B3GALT1: variants seen among roughly 807,000 people sequenced by gnomAD.
The protein encoded by B3GALT1 is beta-1,3-galactosyltransferase 1.
In B3GALT1, 10 loss-of-function variants were observed where a neutral mutation model predicts 23.2. The ratio of observed to expected loss-of-function variants is 0.43; its 90% CI spans 0.27 to 0.73. The LOEUF (loss-of-function observed/expected upper bound fraction) is 0.73, where lower values mean the gene tolerates loss of function less well. Among genes scored for constraint, B3GALT1 ranks in the 30% least tolerant of loss-of-function variants. The pLI, the probability that B3GALT1 is intolerant of heterozygous loss-of-function variation, is 0.21. For synonymous variants in B3GALT1, 156 were observed against 141.5 expected (o/e 1.10, Z -0.73); for missense variants, 299 against 405.4 (o/e 0.74, Z 2.25).
chr2:167,865,615 C>G (rs1690197816), intron 4 of B3GALT1, among the ~76,000 whole-genome samples: 1 of 152,040 alleles, frequency 6.6e-6, no homozygotes, highest in Admixed American at 6.6e-5. Flanking sequence ...CACCGTGAAA[C>G]CCCGTCTCTA....
At chr2:167,581,005 TCTC>T (rs1213890183) in intron 2 of B3GALT1, among the ~76,000 whole-genome samples, 2 of 152,164 alleles carry the variant, frequency 1.3e-5, no homozygotes, top group Non-Finnish European at 2.9e-5. Context: ...TAAACTGTAT[TCTC>T]CTCCTCCACT....
intron 2 of B3GALT1, among the ~76,000 whole-genome samples, chr2:167,539,271 T>A (rs1574126248): frequency 6.6e-6 from 1 of 151,054 alleles, no homozygotes; most frequent in East Asian, 1.9e-4. Context: ...AAAAAAAAAA[T>A]TGGACTGGGA....
intron 2 of B3GALT1, among the ~76,000 whole-genome samples, chr2:167,619,222 A>G (rs1685216251): frequency 6.6e-6 from 1 of 151,978 alleles, no homozygotes; most frequent in South Asian, 2.1e-4. Flanking sequence ...TCTCACAAGT[A>G]CAACTCCAAC....
intron 1 of B3GALT1, among the ~76,000 whole-genome samples, chr2:167,464,245 G>A (rs1209628238): frequency 6.6e-6 from 1 of 151,872 alleles, no homozygotes; most frequent in African/African-American, 2.4e-5. Flanking sequence ...TGTCCTCATG[G>A]CCCTGCTTCA....
At chr2:167,551,493 C>T (rs1409239013) in intron 2 of B3GALT1, among the ~76,000 whole-genome samples, 1 of 152,092 alleles carries the variant, frequency 6.6e-6, no homozygotes, top group Admixed American at 6.5e-5. Flanking sequence ...ACTAATGAGA[C>T]AGACAACAGA....
intron 3 of B3GALT1, among the ~76,000 whole-genome samples, chr2:167,809,818 C>T (rs1688840630): frequency 6.6e-6 from 1 of 152,024 alleles, no homozygotes; most frequent in African/African-American, 2.4e-5. Context: ...GGCTGTCAGA[C>T]AGGGACATTT....
chr2:167,377,285 T>C (rs555612154), intron 1 of B3GALT1, among the ~76,000 whole-genome samples: 24 of 152,256 alleles, frequency 1.6e-4, no homozygotes, highest in African/African-American at 5.3e-4. Context: ...ATGTTCTGTG[T>C]GCAGATGAGA....
chr2:167,551,530 T>C (rs1440091553), intron 2 of B3GALT1, among the ~76,000 whole-genome samples: 1 of 151,956 alleles, frequency 6.6e-6, no homozygotes, highest in East Asian at 1.9e-4. Context: ...TTGTGTAGAC[T>C]TGTGCAGTTT....
At chr2:167,600,323 G>T (rs895938926) in intron 2 of B3GALT1, among the ~76,000 whole-genome samples, 1 of 152,128 alleles carries the variant, frequency 6.6e-6, no homozygotes, top group Non-Finnish European at 1.5e-5. Flanking sequence ...TGTGGATTTT[G>T]TAGCCTTTTC....
At chr2:167,440,336 CTCTG>C (rs1698859885) in intron 1 of B3GALT1, among the ~76,000 whole-genome samples, 1 of 128,616 alleles carries the variant, frequency 7.8e-6, no homozygotes, top group South Asian at 2.5e-4. Context: ...CAGAGCGAGA[CTCTG>C]TCTGAAAAAA....
chr2:167,626,179 T>C (rs970936374), intron 2 of B3GALT1, among the ~76,000 whole-genome samples: 1 of 151,216 alleles, frequency 6.6e-6, no homozygotes, highest in Admixed American at 6.6e-5. Context: ...TATTTTTTGG[T>C]GTTAAAGTGA....
chr2:167,829,117 A>C (rs932003540), intron 4 of B3GALT1, among the ~76,000 whole-genome samples: 6 of 152,330 alleles, frequency 3.9e-5, no homozygotes, highest in Non-Finnish European at 5.9e-5. Context: ...TACGTTAATA[A>C]CTGTCTCTTA....
intron 2 of B3GALT1, among the ~76,000 whole-genome samples, chr2:167,636,726 A>G (rs1191466585): frequency 2.0e-5 from 3 of 152,106 alleles, no homozygotes; most frequent in East Asian, 1.9e-4. Context: ...TCAGCAAACT[A>G]TCACAAGAAC....
At chr2:167,571,417 C>A (rs1301986581) in intron 2 of B3GALT1, among the ~76,000 whole-genome samples, 4 of 151,824 alleles carry the variant, frequency 2.6e-5, no homozygotes, top group African/African-American at 9.7e-5. Context: ...TTTGATAGGC[C>A]TGGAGAGAGC....
chr2:167,390,989 G>A (rs939840256), intron 1 of B3GALT1, among the ~76,000 whole-genome samples: 23 of 152,212 alleles, frequency 1.5e-4, no homozygotes, highest in African/African-American at 5.5e-4. Flanking sequence ...GAATAAGACA[G>A]GTCTATATTT....
At chr2:167,762,440 A>G (rs1687910675) in intron 3 of B3GALT1, among the ~76,000 whole-genome samples, 1 of 152,148 alleles carries the variant, frequency 6.6e-6, no homozygotes, top group Non-Finnish European at 1.5e-5. Context: ...CCGAAAGAAT[A>G]AAAACAGGTC....
chr2:167,759,377 G>A (rs10497328), intron 3 of B3GALT1, among the ~76,000 whole-genome samples: 33,991 of 152,108 alleles, frequency 0.22, 4,332 homozygotes, highest in African/African-American at 0.35. Context: ...GGGTTGAACC[G>A]CTACATAGTC....
At chr2:167,336,767 T>A (rs1327471299) in intron 1 of B3GALT1, among the ~76,000 whole-genome samples, 1 of 152,290 alleles carries the variant, frequency 6.6e-6, no homozygotes, top group Non-Finnish European at 1.5e-5. Context: ...TTATGGTATA[T>A]ATTGATTTTT....
intron 1 of B3GALT1, among the ~76,000 whole-genome samples, chr2:167,481,277 C>G (rs560157313): frequency 1.3e-5 from 2 of 152,096 alleles, no homozygotes; most frequent in East Asian, 3.9e-4. Context: ...TATCAAAATA[C>G]CCCGCTACAG....
Sources: allele counts gnomAD v4.1 joint callset (sites outside exome capture counted in the v4.1 genomes callset), GRCh38; gene constraint gnomAD v4.1.1; transcripts MANE v1.5; gene names NCBI Gene and HGNC (gene_info 2026-07-23, HGNC 2026-07-21).